PARD3B: variants seen among roughly 807,000 people sequenced by gnomAD.
PARD3B encodes par-3 family cell polarity regulator beta.
In PARD3B, 103 loss-of-function variants were observed where a neutral mutation model predicts 130.2. That is an observed-to-expected ratio of 0.79 (90% CI 0.67 to 0.93). The LOEUF is 0.93. Among genes scored for constraint, PARD3B ranks in the 40% least tolerant of loss-of-function variants. The pLI is 0.00. For missense variants in PARD3B, 1,609 were observed against 1,499.2 expected (o/e 1.07, Z -1.21); for synonymous variants, 583 against 553.2 (o/e 1.05, Z -0.76).
chr2:204,608,561 T>C (rs1291612414), intron 1 of PARD3B, among the ~76,000 whole-genome samples: 3 of 152,222 alleles, frequency 2.0e-5, no homozygotes, highest in Non-Finnish European at 2.9e-5. Context: ...CAGGGTGTGA[T>C]GTGTCCTGAA....
In PARD3B at chr2:205,615,499, C is replaced by T. The variant is rs369194609; in HGVS notation, c.3304C>T (p.Arg1102Trp). The change falls in exon 23 of 23, where the codon CGG becomes TGG. Residue 1102 changes from arginine to tryptophan, a missense_variant. Coordinates refer to ENST00000406610, the MANE Select transcript of PARD3B (RefSeq NM_001302769.2). ...DPVDYLPAAP[R>W]GLYKERELPY... Reference sequence around the variant, plus strand: ...TGTAGACTATCTGCCAGCAGCACCTCGGGGGCTCTACAAGGAAAGGGAGCT... The same window carrying T: ...TGTAGACTATCTGCCAGCAGCACCTTGGGGGCTCTACAAGGAAAGGGAGCT... 1.8e-5 allele frequency: 29 copies of T among 1,612,914 alleles called. No homozygotes were observed. Among genetic ancestry groups the T allele is most frequent in the East Asian group, 6.7e-5 (3 of 44,872 alleles).
intron 19 of PARD3B, among the ~76,000 whole-genome samples, chr2:205,418,437 A>G (rs1473615958): frequency 1.4e-5 from 1 of 73,394 alleles, no homozygotes; most frequent in African/African-American, 5.5e-5. Context: ...AGGAGAGAGC[A>G]GAGAGACCAA....
chr2:205,165,132 A>G (rs779299855), intron 11 of PARD3B, among the ~76,000 whole-genome samples: 6 of 152,170 alleles, frequency 3.9e-5, no homozygotes, highest in Non-Finnish European at 5.9e-5. Flanking sequence ...TATATAACAT[A>G]TATGCTTTAA....
chr2:204,603,127 A>G (rs919847426), intron 1 of PARD3B, among the ~76,000 whole-genome samples: 3 of 152,162 alleles, frequency 2.0e-5, no homozygotes, highest in African/African-American at 7.2e-5. Flanking sequence ...GGGTAGATAG[A>G]TGGAACGTTC....
intron 15 of PARD3B, among the ~76,000 whole-genome samples, chr2:205,242,682 G>A (rs185738766): frequency 6.6e-5 from 10 of 152,086 alleles, no homozygotes; most frequent in Admixed American, 6.5e-4. Context: ...ATTAAATCAC[G>A]TACCCCACAA....
intron 15 of PARD3B, among the ~76,000 whole-genome samples, chr2:205,216,830 G>C (rs2037938754): frequency 6.6e-6 from 1 of 152,128 alleles, no homozygotes; most frequent in South Asian, 2.1e-4. Context: ...GTTGTAAGCA[G>C]GAGTTCATTT....
At chr2:204,550,412 C>CTGTTTG (rs2030363654) in intron 1 of PARD3B, among the ~76,000 whole-genome samples, 2 of 144,300 alleles carry the variant, frequency 1.4e-5, no homozygotes, top group Non-Finnish European at 3.0e-5. Context: ...GGAGGGCTGA[C>CTGTTTG]TGTGTGTGTG....
intron 22 of PARD3B, among the ~76,000 whole-genome samples, chr2:205,580,341 A>G (rs1331996119): frequency 6.6e-6 from 1 of 152,178 alleles, no homozygotes; most frequent in Non-Finnish European, 1.5e-5. Flanking sequence ...GGCCCCTGGA[A>G]GGTCCAATCT....
intron 1 of PARD3B, among the ~76,000 whole-genome samples, chr2:204,568,158 G>A (rs1360819989): frequency 6.6e-6 from 1 of 152,160 alleles, no homozygotes. Flanking sequence ...ATACCTAGGG[G>A]TTTGTAGACC....
At chr2:205,506,746 T>C (rs2050380282) in intron 21 of PARD3B, among the ~76,000 whole-genome samples, 1 of 152,214 alleles carries the variant, frequency 6.6e-6, no homozygotes, top group African/African-American at 2.4e-5. Flanking sequence ...CCTTGTCTCC[T>C]CCTTAAAAGC....
chr2:205,257,823 T>A (rs17197657), intron 16 of PARD3B, among the ~76,000 whole-genome samples: 5,336 of 152,284 alleles, frequency 0.035, 109 homozygotes, highest in Middle Eastern at 0.058. Flanking sequence ...AGCATTTCCA[T>A]AGTTTCTGTC....
At chr2:204,866,205 AT>A (rs900942454) in intron 2 of PARD3B, among the ~76,000 whole-genome samples, 3 of 152,200 alleles carry the variant, frequency 2.0e-5, no homozygotes, top group Non-Finnish European at 4.4e-5. Context: ...AAGATGTGGC[AT>A]GGTAGAATGC....
intron 3 of PARD3B, among the ~76,000 whole-genome samples, chr2:204,983,956 C>G (rs1230828433): frequency 6.6e-6 from 1 of 151,890 alleles, no homozygotes; most frequent in East Asian, 1.9e-4. Context: ...AGTACCCGTC[C>G]CCTCCTCTGT....
chr2:204,694,406 C>G (rs193196454), intron 2 of PARD3B, among the ~76,000 whole-genome samples: 15 of 151,964 alleles, frequency 9.9e-5, no homozygotes, highest in African/African-American at 3.4e-4. Flanking sequence ...TTTGTCTGTC[C>G]AGGTGTCTTG....
chr2:205,152,278 T>C (rs1231170038), intron 10 of PARD3B, among the ~76,000 whole-genome samples: 1 of 152,216 alleles, frequency 6.6e-6, no homozygotes, highest in Non-Finnish European at 1.5e-5. Context: ...TGGCGTTCTC[T>C]GTATTTCCTG....
At chr2:204,958,614 A>T (rs1263079633) in intron 2 of PARD3B, among the ~76,000 whole-genome samples, 4 of 152,196 alleles carry the variant, frequency 2.6e-5, no homozygotes, top group Non-Finnish European at 4.4e-5. Flanking sequence ...AAACAAGTCA[A>T]GTGGGACTCA....
At position 205,043,852 on chromosome 2, in the gene PARD3B, A is replaced by T. The variant is rs565389939; in HGVS notation, c.395-3729A>T. 1.6e-3 allele frequency among the ~76,000 whole-genome samples: 237 copies of T among 151,920 alleles called. 1 individual carries two copies. Among genetic ancestry groups the T allele is most frequent in the African/African-American group, 5.4e-3 (224 of 41,390 alleles). On this transcript the variant is annotated intron_variant, in intron 3 of 22. Coordinates refer to ENST00000406610, the MANE Select transcript of PARD3B (RefSeq NM_001302769.2). ...TTAAGTTTTAGGGTACATGTGCACA[A>T]TGTGCAGGTTAGTTATGTATGTATA...
At chr2:204,999,809 C>G (rs2335705) in intron 3 of PARD3B, among the ~76,000 whole-genome samples, 1 of 152,084 alleles carries the variant, frequency 6.6e-6, no homozygotes, top group Admixed American at 6.5e-5. Context: ...CAAGTGGTAC[C>G]TGATATATTT....
chr2:204,907,302 A>G lies in PARD3B; in HGVS notation c.223-57850A>G, dbSNP rs1033560850. Among the ~76,000 whole-genome samples, 3 of 152,196 alleles carry G rather than the reference A, an allele frequency of 2.0e-5. No individual in the cohort carries two copies. Among genetic ancestry groups the G allele is most frequent in the Admixed American group, 2.0e-4 (3 of 15,280 alleles). ...ACTGGGAAAGTACCTGTGGAGGACA[A>G]TGACTAGGGCTGTGACAGATGATGT... On this transcript the variant is annotated intron_variant, in intron 2 of 22. Transcript: ENST00000406610. The surrounding 1 kb of genome is among the most constrained non-coding windows in gnomAD (Gnocchi z 5.7).
Sources: gnomAD v4.1 joint callset for allele counts (sites outside exome capture counted in the v4.1 genomes callset) on GRCh38, gnomAD v4.1.1 for gene constraint, Gnocchi (gnomAD v3.1) non-coding constraint, MANE v1.5 for transcripts, NCBI Gene and HGNC (gene_info 2026-07-23, HGNC 2026-07-21) for gene names.